WAPL: variants seen among roughly 807,000 people sequenced by gnomAD.
The protein encoded by WAPL is wings apart-like protein homolog.
WAPL carries 5 observed loss-of-function variants against 121.0 expected under a neutral mutation model. The observed-to-expected ratio is 0.04, with a 90% CI of 0.02 to 0.09. The LOEUF (loss-of-function observed/expected upper bound fraction) is 0.09. Ranked by LOEUF, WAPL falls within the 10% of genes least tolerant of loss-of-function variation. The probability of loss-of-function intolerance (pLI) is 1.00; values close to 1 mark genes in which losing one functional copy is unlikely to be tolerated. For missense variants in WAPL, 999 were observed against 1,410.8 expected, an observed-to-expected ratio of 0.71 and a Z score of 4.68; for synonymous variants, 480 against 481.5, an observed-to-expected ratio of 1.00 and a Z score of 0.04.
At position 86,505,300 on chromosome 10, in the gene WAPL, C is replaced by CTTTTTTTTTTTTTTTTTTTTTTTT. The variant is rs531404303; in HGVS notation, c.500-4581_500-4558dup. 1.8e-4 allele frequency among the ~76,000 whole-genome samples: 8 copies of CTTTTTTTTTTTTTTTTTTTTTTTT among 44,644 alleles called. 1 individual carries two copies. Among genetic ancestry groups the CTTTTTTTTTTTTTTTTTTTTTTTT allele is most frequent in the Non-Finnish European group, 2.9e-4 (7 of 24,342 alleles). The allele number at this position is 44,644 out of a possible 152,430, so 29.3% of individuals were successfully genotyped here. A position where few individuals can be genotyped will look rare whatever the true frequency, so the allele number is the denominator to read the frequency against. ...CAAGCTTCAGCCACAGTGCCCAACT[C>CTTTTTTTTTTTTTTTTTTTTTTTT]TTTTTTTTTTTTTTTTTTTTTTTTT... On this transcript the variant is annotated intron_variant, in intron 2 of 18. Coordinates refer to ENST00000298767, the MANE Select transcript of WAPL (RefSeq NM_015045.5).
At chr10:86,505,331 CAG>C (rs1274825010) in intron 2 of WAPL, among the ~76,000 whole-genome samples, 4 of 51,604 alleles carry the variant, frequency 7.8e-5, no homozygotes, top group African/African-American at 1.7e-4. Flanking sequence ...TTTTTGGAGA[CAG>C]AGTCTTGCTC....
Position 86,500,233 on chromosome 10 carries a change from G to A in WAPL, c.1010C>T (p.Ala337Val). 1 of 1,614,094 alleles carries A rather than the reference G, an allele frequency of 6.2e-7. No individual in the cohort carries two copies. Among genetic ancestry groups the A allele is most frequent in the South Asian group, 1.1e-5 (1 of 91,074 alleles). The change falls in exon 3 of 19, where the codon GCA (alanine) becomes GTA (valine). Residue 337 changes from alanine (A) to valine (V), a missense_variant. Coordinates refer to ENST00000298767, the MANE Select transcript of WAPL (RefSeq NM_015045.5). ...CCCACAACTTACACCCCCTTTCTTT[G>A]CCTGATTCAGGCCATCTTTACTCGA... is the stretch of plus-strand genomic sequence containing the variant. ...SESSKDGLNQ[A>V]KKGGVSCGTS...
chr10:86,500,100 C>T lies in WAPL; in HGVS notation c.1143G>A (p.Met381Ile). The T allele has an allele frequency of 6.2e-7, 1 of 1,614,134 alleles. No individual in the cohort carries two copies. The highest frequency in any genetic ancestry group is 1.3e-5 in the African/African-American group (1 of 75,010). Residue 381 changes from methionine (M) to isoleucine (I), a missense_variant, in exon 3 of 19, where the codon ATG becomes ATA. Transcript: ENST00000298767. ...CAGGAGTGGATGCAGTGAACTCATC[C>T]ATGCTGCGTTCCATAGTATCCTGTA... ...VTIQDTMERS[M>I]DEFTASTPAD...
intron 17 of WAPL, among the ~76,000 whole-genome samples, chr10:86,441,195 C>T (rs1849462204): frequency 6.6e-6 from 1 of 152,090 alleles, no homozygotes; most frequent in Admixed American, 6.6e-5. Context: ...AAAAATAATC[C>T]ACCTATGCCC....
At position 86,451,998 on chromosome 10, in the gene WAPL, C is replaced by A; in HGVS notation, c.3083G>T (p.Gly1028Val). The change falls in exon 15 of 19, where the codon GGA becomes GTA. Residue 1028 changes from glycine (G) to valine (V), a missense_variant. This residue lies in a region of WAPL where 126 missense variants were observed against 144.0 expected (regional missense o/e 0.87). Coordinates refer to ENST00000298767, the MANE Select transcript of WAPL (RefSeq NM_015045.5). ...TAAAGCCTGGACAGCATGAACTTGT[C>A]CACCTATCCTTAAACTATCATCCCC... The part of the protein sequence containing the change: ...GEGDDSLRIG[G>V]QVHAVQALVQ... 1 of 1,614,142 alleles carries A rather than the reference C, an allele frequency of 6.2e-7. No individual in the cohort carries two copies. The highest frequency in any genetic ancestry group is 1.1e-5 in the South Asian group (1 of 91,080).
At chr10:86,448,350 C>A (rs563312959) in intron 15 of WAPL, among the ~76,000 whole-genome samples, 100 of 152,176 alleles carry the variant, frequency 6.6e-4, no homozygotes, top group Admixed American at 1.4e-3. Context: ...ACTTGGGAGG[C>A]TGAGGTGAAA....
At chr10:86,489,461 G>T (rs75016689) in intron 4 of WAPL, among the ~76,000 whole-genome samples, 1 of 152,086 alleles carries the variant, frequency 6.6e-6, no homozygotes, top group South Asian at 2.1e-4. Flanking sequence ...TAGGAGTAAT[G>T]GGCATCATAT....
intron 4 of WAPL, among the ~76,000 whole-genome samples, chr10:86,482,024 T>C (rs965010714): frequency 6.6e-6 from 1 of 152,104 alleles, no homozygotes; most frequent in Non-Finnish European, 1.5e-5. Flanking sequence ...CCCAAGTAAT[T>C]TGTGAACATA....
At chr10:86,474,698 A>G (rs992074650) in intron 4 of WAPL, among the ~76,000 whole-genome samples, 1 of 151,998 alleles carries the variant, frequency 6.6e-6, no homozygotes, top group African/African-American at 2.4e-5. Context: ...TTCAAGACCA[A>G]CCTGGGTGAC....
intron 9 of WAPL, among the ~76,000 whole-genome samples, chr10:86,462,896 T>C (rs1841319346): frequency 6.6e-6 from 1 of 152,196 alleles, no homozygotes; most frequent in Non-Finnish European, 1.5e-5. Flanking sequence ...TGAAGCCTAA[T>C]GAGGCATTCT....
At chr10:86,507,720 T>C (rs1434004787) in intron 2 of WAPL, among the ~76,000 whole-genome samples, 4 of 115,288 alleles carry the variant, frequency 3.5e-5, no homozygotes, top group African/African-American at 1.7e-4. Flanking sequence ...TAGCCCACTG[T>C]TTTTTTTTTT....
intron 4 of WAPL, among the ~76,000 whole-genome samples, chr10:86,477,917 T>C (rs1276868291): frequency 2.7e-5 from 4 of 150,696 alleles, no homozygotes; most frequent in Non-Finnish European, 5.9e-5. Flanking sequence ...CCGTCTCGCA[T>C]GGTGGTAGGT....
At chr10:86,469,823 A>G (rs1286031408) in intron 8 of WAPL, among the ~76,000 whole-genome samples, 3 of 152,226 alleles carry the variant, frequency 2.0e-5, no homozygotes, top group Non-Finnish European at 4.4e-5. Context: ...TGGGGGATCC[A>G]CTGCCCTTAA....
At chr10:86,518,169 G>A in intron 1 of WAPL, 78 bp from the exon 2 acceptor site, 1 of 1,377,102 alleles carries the variant, frequency 7.3e-7, no homozygotes, top group Non-Finnish European at 9.7e-7. Context: ...AAAAACCTAG[G>A]GATTCTTCCC....
chr10:86,512,851 GT>G (rs34162732), intron 2 of WAPL, among the ~76,000 whole-genome samples: 1 of 151,252 alleles, frequency 6.6e-6, no homozygotes, highest in Non-Finnish European at 1.5e-5. Context: ...AGTACATGAG[GT>G]TTTTTTTTAC....
intron 8 of WAPL, 106 bp downstream of exon 8, chr10:86,470,886 T>C: frequency 1.2e-6 from 1 of 860,086 alleles, no homozygotes; most frequent in African/African-American, 1.7e-5. Context: ...ACTCAATCTA[T>C]AATTAGGATA....
intron 3 of WAPL, among the ~76,000 whole-genome samples, chr10:86,499,323 A>T (rs1045928569): frequency 6.6e-6 from 1 of 152,180 alleles, no homozygotes; most frequent in African/African-American, 2.4e-5. Context: ...AGTATCTAGG[A>T]AGAAACTATG....
rs1849618260 is a variant in WAPL, at chr10:86,446,338, T to C, written c.3226A>G (p.Ser1076Gly). Residue 1076 changes from serine (S) to glycine (G), a missense_variant, in exon 16 of 19, where the codon AGT becomes GGT. By Grantham distance (56) the Ser-to-Gly change is moderately conservative. Around this residue, in one of 7 missense-constraint regions of WAPL, gnomAD observed 126 missense variants for 144.0 expected, o/e 0.87. Coordinates refer to ENST00000298767, the MANE Select transcript of WAPL (RefSeq NM_015045.5). ...GTTGACACCCACTGTATTTCTCCAC[T>C]TGTTTCTTGCCACTCTCCACTCTTA... is the stretch of plus-strand genomic sequence containing the variant. Reference protein sequence around the residue: ...HDKSGEWQETSGEIQWVSTEK... With the variant: ...HDKSGEWQETGGEIQWVSTEK... 6.2e-7 allele frequency: 1 copy of C among 1,614,066 alleles called. No homozygotes were observed. Among genetic ancestry groups the C allele is most frequent in the Non-Finnish European group, 8.5e-7 (1 of 1,180,036 alleles).
At position 86,460,416 on chromosome 10, in the gene WAPL, A is replaced by C. The variant is rs763012894; in HGVS notation, c.2563T>G (p.Leu855Val). The C allele has an allele frequency of 8.1e-6, 13 of 1,613,690 alleles. No individual in the cohort carries two copies. Among genetic ancestry groups the C allele is most frequent in the African/African-American group, 1.3e-5 (1 of 74,934 alleles). The change falls in exon 11 of 19, where the codon TTA becomes GTA. Residue 855 changes from leucine to valine, a missense_variant. Transcript: ENST00000298767. Reference sequence around the variant, plus strand: ...ATACTTACACTTTCTAAAACTCGTAAACATCTCTCTGCTCCCCATAGTGAG... The same window carrying C: ...ATACTTACACTTTCTAAAACTCGTACACATCTCTCTGCTCCCCATAGTGAG... The part of the protein sequence containing the change: ...VASLWGAERC[L>V]RVLESVTVHN...
Sources: gnomAD v4.1 joint callset for allele counts (sites outside exome capture counted in the v4.1 genomes callset) on GRCh38, gnomAD v4.1.1 for gene constraint, gnomAD v4.1.1 regional missense constraint, MANE v1.5 for transcripts, NCBI Gene and HGNC (gene_info 2026-07-23, HGNC 2026-07-21) for gene names.